Variants in COL5A2 observed in about 807,000 individuals in gnomAD.
The protein encoded by COL5A2 is collagen type V alpha 2 chain, also known as collagen alpha-2(V) chain.
A neutral mutation model predicts 208.2 loss-of-function variants in COL5A2; 23 were observed. That is an observed-to-expected ratio of 0.11 (90% CI 0.08 to 0.16). COL5A2 has a LOEUF of 0.16. Ranked by LOEUF, COL5A2 falls within the 10% of genes least tolerant of loss-of-function variation. The pLI, the probability that COL5A2 is intolerant of heterozygous loss-of-function variation, is 1.00. For missense variants in COL5A2, 1,590 were observed against 1,956.4 expected, an observed-to-expected ratio of 0.81 and a Z score of 3.53; for synonymous variants, 625 against 628.5, an observed-to-expected ratio of 0.99 and a Z score of 0.08.
At chr2:189,320,001 G>T in the COL5A2 span, among the ~76,000 whole-genome samples, 1 of 152,228 alleles carries the variant, frequency 6.6e-6, no homozygotes. Context: ...AACATTTGCT[G>T]TTCAGCAATA....
chr2:189,128,061 T>A (rs1188230793), intron 1 of COL5A2, among the ~76,000 whole-genome samples: 1 of 151,926 alleles, frequency 6.6e-6, no homozygotes, highest in Non-Finnish European at 1.5e-5. Flanking sequence ...ACTGCACAAA[T>A]CCACTGCAGC....
chr2:189,080,063 T>A, intron 13 of COL5A2, 32 bp from the exon 14 acceptor site: 2 of 1,580,946 alleles, frequency 1.3e-6, no homozygotes, highest in South Asian at 2.2e-5. Context: ...TGTATTTGTA[T>A]CCTGTTTTTT....
intron 1 of COL5A2, among the ~76,000 whole-genome samples, chr2:189,224,613 C>A (rs576670134): frequency 6.6e-6 from 1 of 152,060 alleles, no homozygotes; most frequent in Non-Finnish European, 1.5e-5. Context: ...CACTTAAACA[C>A]AAAAGGCGGA....
Position 189,068,775 on chromosome 2 carries a change from T to C in COL5A2, c.1257+11A>G, listed in dbSNP as rs1326082468. ...TTTCTGGGCTGGTTCTTAAATATGC[T>C]AGAAACTTACAGGAAGACCTGGAGA... On this transcript the variant is annotated intron_variant, in intron 19 of 53. Transcript: ENST00000374866. 9.4e-6 allele frequency: 15 copies of C among 1,595,352 alleles called. No individual in the cohort carries two copies. Among genetic ancestry groups the C allele is most frequent in the Non-Finnish European group, 1.2e-5 (14 of 1,163,236 alleles).
At chr2:189,206,539 T>C (rs554121671) in intron 1 of COL5A2, among the ~76,000 whole-genome samples, 95 of 152,252 alleles carry the variant, frequency 6.2e-4, no homozygotes, top group African/African-American at 2.1e-3. Context: ...CTGGGATGGA[T>C]AGAAGTTCTA....
At chr2:189,220,414 C>A (rs1689334087) in intron 1 of COL5A2, among the ~76,000 whole-genome samples, 2 of 151,288 alleles carry the variant, frequency 1.3e-5, no homozygotes, top group South Asian at 4.1e-4. Context: ...ACTGTTTCTT[C>A]AGAATTATTT....
intron 17 of COL5A2, among the ~76,000 whole-genome samples, chr2:189,072,904 T>C (rs1038189735): frequency 6.6e-6 from 1 of 152,044 alleles, no homozygotes; most frequent in Non-Finnish European, 1.5e-5. Context: ...AAAGACTAAA[T>C]TTAAAAGAAG....
In COL5A2 at chr2:189,110,950, T is replaced by C. The variant is rs1341594388; in HGVS notation, c.98-501A>G. ...AAAAACTTCAAAAAAGAAAAAGGTG[T>C]ATGTTTTTATTAAAATTATTTTTAA... On this transcript the variant is annotated intron_variant, in intron 1 of 53. Transcript: ENST00000374866. Among the ~76,000 whole-genome samples the C allele has an allele frequency of 3.3e-5, 5 of 152,150 alleles. No individual in the cohort carries two copies. The East Asian group carries it at 9.6e-4, about 29-fold the overall frequency.
At chr2:189,416,179 A>C in the COL5A2 span, among the ~76,000 whole-genome samples, 4 of 152,152 alleles carry the variant, frequency 2.6e-5, no homozygotes, top group African/African-American at 9.7e-5. Context: ...TAGAACTAGA[A>C]ATACCATTTG....
intron 1 of COL5A2, among the ~76,000 whole-genome samples, chr2:189,167,760 G>A (rs1236522896): frequency 6.6e-6 from 1 of 150,936 alleles, no homozygotes; most frequent in Non-Finnish European, 1.5e-5. Flanking sequence ...GAGCAATGCA[G>A]AGTGGAAAAC....
At chr2:189,231,718 A>G in the COL5A2 span, among the ~76,000 whole-genome samples, 4 of 151,828 alleles carry the variant, frequency 2.6e-5, no homozygotes, top group African/African-American at 9.7e-5. Context: ...TGTAGAAGCT[A>G]TTAGAGCATT....
the COL5A2 span, among the ~76,000 whole-genome samples, chr2:189,310,973 CAA>C: frequency 6.6e-6 from 1 of 150,672 alleles, no homozygotes; most frequent in Non-Finnish European, 1.5e-5. Context: ...TTAATGAGTA[CAA>C]AAAAAAATTA....
the COL5A2 span, among the ~76,000 whole-genome samples, chr2:189,381,104 G>A: frequency 1.3e-4 from 19 of 151,980 alleles, no homozygotes; most frequent in African/African-American, 4.6e-4. Context: ...ATATTACATT[G>A]AGTAAAAAAC....
chr2:189,034,933 G>A lies in COL5A2; in HGVS notation c.4336C>T (p.Leu1446Phe). The A allele has an allele frequency of 6.2e-7, 1 of 1,613,842 alleles. No individual in the cohort carries two copies. The highest frequency in any genetic ancestry group is 8.5e-7 in the Non-Finnish European group (1 of 1,179,848). Residue 1446 changes from leucine to phenylalanine, a missense_variant, in exon 53 of 54, where the codon CTT becomes TTT. By Grantham distance (22) the Leu-to-Phe change is conservative. Transcript: ENST00000374866. ...EGNIRFRYIVLQDTCSKRNGN... is the reference protein window; with the variant it reads ...EGNIRFRYIVFQDTCSKRNGN... ...GTACTTACAGAGCAAGTGTCTTGAA[G>A]AACGATATACCGGAATCTAATATTT...
chr2:189,088,485 T>A (rs1443449457), intron 8 of COL5A2, among the ~76,000 whole-genome samples: 1 of 152,208 alleles, frequency 6.6e-6, no homozygotes. Flanking sequence ...TTTATTAATG[T>A]CAGCACTTTG....
intron 3 of COL5A2, among the ~76,000 whole-genome samples, chr2:189,100,895 GA>G (rs1401606442): frequency 2.6e-5 from 4 of 151,964 alleles, no homozygotes; most frequent in Admixed American, 2.6e-4. Context: ...ACTTTTCTCA[GA>G]AATGGAATCC....
At chr2:189,314,999 T>C in the COL5A2 span, among the ~76,000 whole-genome samples, 576 of 152,206 alleles carry the variant, frequency 3.8e-3, 3 homozygotes, top group South Asian at 0.015. Flanking sequence ...TTCTTCCAAA[T>C]GTACAAAGAA....
At chr2:189,268,677 C>A in the COL5A2 span, among the ~76,000 whole-genome samples, 1 of 141,654 alleles carries the variant, frequency 7.1e-6, no homozygotes, top group Admixed American at 7.5e-5. Context: ...CATCTTTTGG[C>A]CAAAAGGTAA....
At chr2:189,440,819 TGGCC>T in the COL5A2 span, among the ~76,000 whole-genome samples, 4 of 152,182 alleles carry the variant, frequency 2.6e-5, no homozygotes, top group Non-Finnish European at 5.9e-5. Flanking sequence ...CTGGCGGGAC[TGGCC>T]GAATGTCAGA....
Sources: gnomAD v4.1 joint callset for allele counts (sites outside exome capture counted in the v4.1 genomes callset) on GRCh38, gnomAD v4.1.1 for gene constraint, MANE v1.5 for transcripts, NCBI Gene and HGNC (gene_info 2026-07-23, HGNC 2026-07-21) for gene names.